CALN1: variants seen among roughly 807,000 people sequenced by gnomAD.
CALN1 encodes calcium-binding protein 8.
In CALN1, 17 loss-of-function variants were observed where a neutral mutation model predicts 30.6. That is an observed-to-expected ratio of 0.56 (90% CI 0.38 to 0.83). CALN1 has a LOEUF of 0.83. Ranked by LOEUF, CALN1 falls within the 40% of genes least tolerant of loss-of-function variation. CALN1 has a pLI of 0.00. For missense variants in CALN1, 291 were observed against 354.9 expected (o/e 0.82, Z 1.45); for synonymous variants, 156 against 131.4 (o/e 1.19, Z -1.28).
chr7:72,216,648 G>A (rs941118013), intron 3 of CALN1, among the ~76,000 whole-genome samples: 5 of 152,116 alleles, frequency 3.3e-5, no homozygotes, highest in African/African-American at 1.2e-4. Context: ...TAGACATAGA[G>A]AACAGTTATT....
At chr7:72,450,455 A>T (rs190232210), upstream of CALN1, among the ~76,000 whole-genome samples, 1 of 152,214 alleles carries the variant, frequency 6.6e-6, no homozygotes, top group Admixed American at 6.5e-5. Context: ...ACTCAGGTCA[A>T]CAGAGGATGG....
At chr7:71,891,286 T>C (rs927920792) in intron 5 of CALN1, among the ~76,000 whole-genome samples, 2 of 152,204 alleles carry the variant, frequency 1.3e-5, no homozygotes, top group Non-Finnish European at 2.9e-5. Context: ...GAACTATTAG[T>C]TCAAGTCACC....
At chr7:72,411,295 T>C (rs1372663266) in intron 1 of CALN1, among the ~76,000 whole-genome samples, 2 of 152,276 alleles carry the variant, frequency 1.3e-5, no homozygotes, top group Admixed American at 6.5e-5. Flanking sequence ...TAGAACATAA[T>C]ATTTTGACTG....
At chr7:72,094,593 G>A (rs939543096) in intron 4 of CALN1, among the ~76,000 whole-genome samples, 1 of 152,010 alleles carries the variant, frequency 6.6e-6, no homozygotes, top group African/African-American at 2.4e-5. Flanking sequence ...ATAGCTAGAA[G>A]GGACTCAAAT....
chr7:72,138,477 T>C (rs897964149), intron 3 of CALN1, among the ~76,000 whole-genome samples: 1 of 152,210 alleles, frequency 6.6e-6, no homozygotes, highest in African/African-American at 2.4e-5. Context: ...TCAAAGCTTC[T>C]GTTCTTACAC....
chr7:72,336,678 G>C (rs1024714047), intron 2 of CALN1: 1 of 984,946 alleles, frequency 1.0e-6, no homozygotes, highest in Non-Finnish European at 1.2e-6. Context: ...GCGCGGGTAA[G>C]CTAGGGAGCC....
chr7:72,312,323 G>T (rs1391191920), intron 2 of CALN1, among the ~76,000 whole-genome samples: 13 of 145,694 alleles, frequency 8.9e-5, no homozygotes, highest in African/African-American at 3.3e-4. Context: ...AGAATCACTT[G>T]AACCCAGCAG....
chr7:71,808,585 A>G (rs1787755897), intron 6 of CALN1, among the ~76,000 whole-genome samples: 2 of 152,146 alleles, frequency 1.3e-5, no homozygotes, highest in South Asian at 2.1e-4. Flanking sequence ...TTATTAATGT[A>G]TAAGGTTTTG....
intron 3 of CALN1, among the ~76,000 whole-genome samples, chr7:72,109,404 C>G (rs553415974): frequency 6.6e-6 from 1 of 152,088 alleles, no homozygotes; most frequent in Non-Finnish European, 1.5e-5. Flanking sequence ...CCGTGGACAT[C>G]GTTGAAGTGT....
intron 3 of CALN1, among the ~76,000 whole-genome samples, chr7:72,185,921 T>TA (rs1790154658): frequency 6.6e-6 from 1 of 152,212 alleles, no homozygotes; most frequent in African/African-American, 2.4e-5. Flanking sequence ...CTTTCTCTTT[T>TA]AAATTGCCCA....
At chr7:72,095,714 T>G (rs1806170116) in intron 4 of CALN1, among the ~76,000 whole-genome samples, 1 of 152,032 alleles carries the variant, frequency 6.6e-6, no homozygotes, top group Non-Finnish European at 1.5e-5. Flanking sequence ...AATGTGTATA[T>G]GAAACATCTG....
chr7:71,813,080 C>T (rs1055830074), intron 5 of CALN1, among the ~76,000 whole-genome samples: 1 of 152,018 alleles, frequency 6.6e-6, no homozygotes, highest in Non-Finnish European at 1.5e-5. Flanking sequence ...TCCCAAGAAG[C>T]TGGGATTACA....
chr7:72,156,533 C>A (rs1048858477), intron 3 of CALN1, among the ~76,000 whole-genome samples: 2 of 152,224 alleles, frequency 1.3e-5, no homozygotes, highest in African/African-American at 4.8e-5. Flanking sequence ...GACTCCATCA[C>A]TGCCTCTGTG....
intron 4 of CALN1, among the ~76,000 whole-genome samples, chr7:72,051,197 G>A (rs978147809): frequency 1.3e-5 from 2 of 151,804 alleles, no homozygotes; most frequent in African/African-American, 4.8e-5. Context: ...ATCAAAAAGA[G>A]AGTTATTTGA....
At chr7:71,970,625 C>T (rs1279503337) in intron 5 of CALN1, among the ~76,000 whole-genome samples, 2 of 151,490 alleles carry the variant, frequency 1.3e-5, no homozygotes, top group African/African-American at 2.4e-5. Context: ...TTATGCCCTC[C>T]AGAAATAGGC....
intron 2 of CALN1, among the ~76,000 whole-genome samples, chr7:72,307,064 T>A (rs993307717): frequency 2.6e-5 from 4 of 152,194 alleles, no homozygotes; most frequent in African/African-American, 9.7e-5. Context: ...ACAGACAAAG[T>A]CAGGCAGGGG....
At chr7:72,180,607 C>CTTTTTTT (rs150600925) in intron 3 of CALN1, among the ~76,000 whole-genome samples, 1 of 90,002 alleles carries the variant, frequency 1.1e-5, no homozygotes, top group East Asian at 3.2e-4. Context: ...GCTTTTTTTT[C>CTTTTTTT]TTTTTTTTTT....
intron 3 of CALN1, among the ~76,000 whole-genome samples, chr7:72,177,912 T>C (rs1789481795): frequency 6.6e-6 from 1 of 152,128 alleles, no homozygotes; most frequent in Non-Finnish European, 1.5e-5. Flanking sequence ...CTCCACCCGG[T>C]GCTGATCCAG....
In CALN1 at chr7:71,857,809, A is replaced by G. The variant is rs116540446; in HGVS notation, c.502-47317T>C. On this transcript the variant is annotated intron_variant, in intron 5 of 6. Transcript: ENST00000395275. ...AGATGTCTGATGAAAATATAAAACA[A>G]TAATTAGAAAAGGAAAAAAGGCATA... Among the ~76,000 whole-genome samples the G allele has an allele frequency of 7.6e-3, 1,155 of 152,244 alleles. 11 individuals are homozygous for G. The highest frequency in any genetic ancestry group is 0.025 in the African/African-American group (1,048 of 41,544).
Sources: allele counts gnomAD v4.1 joint callset (sites outside exome capture counted in the v4.1 genomes callset), GRCh38; gene constraint gnomAD v4.1.1; transcripts MANE v1.5; gene names NCBI Gene and HGNC (gene_info 2026-07-23, HGNC 2026-07-21).